Variants in SLC9A6 observed in about 807,000 individuals in gnomAD.
The protein encoded by SLC9A6 is solute carrier family 9 member A6, also known as sodium/hydrogen exchanger 6.
Under a neutral mutation model 45.3 loss-of-function variants are expected in SLC9A6, and 6 were observed. That is an observed-to-expected ratio of 0.13 (90% CI 0.07 to 0.26). The LOEUF (loss-of-function observed/expected upper bound fraction) is 0.26. SLC9A6 is among the 10% of genes least tolerant of loss of function. The probability of loss-of-function intolerance (pLI) is 1.00; values close to 1 mark genes in which losing one functional copy is unlikely to be tolerated. For synonymous variants in SLC9A6, 191 were observed against 187.7 expected, an observed-to-expected ratio of 1.02 and a Z score of -0.14; for missense variants, 278 against 503.7, an observed-to-expected ratio of 0.55 and a Z score of 4.29.
At chrX:135,996,023 C>CTT (rs1167208674) in intron 3 of SLC9A6, among the ~76,000 whole-genome samples, 8 of 55,347 alleles carry the variant, frequency 1.4e-4, no homozygotes, top group East Asian at 6.2e-4. Context: ...CAGGACTTGA[C>CTT]TTTTTTTTTT....
intron 10 of SLC9A6, among the ~76,000 whole-genome samples, chrX:136,014,452 G>A (rs1403851834): frequency 8.9e-6 from 1 of 112,528 alleles, no homozygotes; most frequent in African/African-American, 3.2e-5. Flanking sequence ...CATTTTTCCA[G>A]GTCGTGGGAA....
Position 136,024,493 on chromosome X carries a change from A to G in SLC9A6, c.1460+10A>G, listed in dbSNP as rs185533973. The G allele has an allele frequency of 5.2e-4, 623 of 1,187,672 alleles. 11 individuals carry two copies. The East Asian group carries it at 0.018, about 35-fold the overall frequency. Reference sequence around the variant, plus strand: ...CATGCTTGCATATCAGGTAAGTACTAACTAGAGACCTCATTTTAAGATTAA... The same window carrying G: ...CATGCTTGCATATCAGGTAAGTACTGACTAGAGACCTCATTTTAAGATTAA... On this transcript the variant is annotated intron_variant, in intron 13 of 17. Transcript: ENST00000630721.
intron 2 of SLC9A6, among the ~76,000 whole-genome samples, chrX:135,992,293 C>T (rs1023884478): frequency 4.5e-5 from 5 of 111,596 alleles, no homozygotes; most frequent in Non-Finnish European, 9.4e-5. Flanking sequence ...ATCCTTCTCG[C>T]CTCCTGTCAG....
In SLC9A6 at chrX:135,998,239, T is replaced by G. The variant is rs1189814898; in HGVS notation, c.447+54T>G. On this transcript the variant is annotated intron_variant, in intron 4 of 17. Transcript: ENST00000630721. Reference sequence around the variant, plus strand: ...GAATAATCTTAAACTCAGTGGGCTTTGTAATATTTGACACTTCAGAAATGG... The same window carrying G: ...GAATAATCTTAAACTCAGTGGGCTTGGTAATATTTGACACTTCAGAAATGG... 7.9e-6 allele frequency: 6 copies of G among 761,061 alleles called. No individual in the cohort carries two copies. In the African/African-American group the frequency reaches 1.2e-4, roughly 16 times the overall value. The allele number at this position is 761,061 out of a possible 1,213,427, so 62.7% of individuals were successfully genotyped here.
At chrX:136,013,694 T>C (rs1556618941) in intron 10 of SLC9A6, among the ~76,000 whole-genome samples, 1 of 111,562 alleles carries the variant, frequency 9.0e-6, no homozygotes, top group African/African-American at 3.3e-5. Context: ...TAGCTTCCCT[T>C]TTTCTCAGTG....
upstream of SLC9A6, chrX:135,983,706 T>G (rs1385192328): frequency 2.8e-5 from 3 of 107,036 alleles, no homozygotes; most frequent in African/African-American, 1.0e-4. Context: ...TTCGGGTTTT[T>G]TTTTTTTTTT....
chrX:136,007,549 A>G (rs1172604168), intron 7 of SLC9A6, among the ~76,000 whole-genome samples: 1 of 112,062 alleles, frequency 8.9e-6, no homozygotes, highest in East Asian at 2.8e-4. Context: ...TTTGACTCAA[A>G]AAGTAGAAAA....
intron 7 of SLC9A6, among the ~76,000 whole-genome samples, chrX:136,002,507 G>C (rs957409214): frequency 9.0e-6 from 1 of 110,634 alleles, no homozygotes; most frequent in Admixed American, 9.6e-5. Flanking sequence ...TTTTGTATTC[G>C]GTTTTAACAT....
At chrX:135,988,498 T>TTTTC (rs1351620970) in intron 2 of SLC9A6, among the ~76,000 whole-genome samples, 3 of 105,033 alleles carry the variant, frequency 2.9e-5, no homozygotes, top group African/African-American at 1.1e-4. Context: ...TCTTTCTTTC[T>TTTTC]TTTCTTTCTT....
chrX:135,992,616 A>G (rs1434806334), intron 2 of SLC9A6, among the ~76,000 whole-genome samples: 4 of 112,086 alleles, frequency 3.6e-5, no homozygotes, highest in African/African-American at 9.7e-5. Context: ...ACTGATATGT[A>G]CTACTATTCC....
chrX:136,015,651 A>T (rs1452820965), intron 10 of SLC9A6, among the ~76,000 whole-genome samples: 3 of 112,437 alleles, frequency 2.7e-5, no homozygotes, highest in Non-Finnish European at 3.7e-5. Context: ...TGTTATCATT[A>T]GTATAAATAA....
At chrX:136,018,273 T>G (rs1048852252) in intron 11 of SLC9A6, among the ~76,000 whole-genome samples, 1 of 111,683 alleles carries the variant, frequency 9.0e-6, no homozygotes, top group South Asian at 3.8e-4. Context: ...AGTGGGAGAA[T>G]AAGTTGACCA....
At chrX:136,038,514 C>G (rs2071449687) in intron 16 of SLC9A6, among the ~76,000 whole-genome samples, 1 of 110,818 alleles carries the variant, frequency 9.0e-6, no homozygotes, top group Admixed American at 9.6e-5. Flanking sequence ...CTTATAGTGT[C>G]CTTGTCAGGT....
intron 16 of SLC9A6, among the ~76,000 whole-genome samples, chrX:136,037,735 T>C (rs1556621961): frequency 9.0e-6 from 1 of 111,416 alleles, no homozygotes. Flanking sequence ...CAGGCCCAGC[T>C]AATTTTTTGT....
intron 16 of SLC9A6, among the ~76,000 whole-genome samples, chrX:136,035,919 A>ATT (rs200801813): frequency 3.3e-5 from 3 of 90,857 alleles, no homozygotes; most frequent in African/African-American, 4.1e-5. Flanking sequence ...ACACCCAGCT[A>ATT]TTTTTTTTTT....
At chrX:135,995,091 G>T in intron 3 of SLC9A6, 106 bp downstream of exon 3, 1 of 530,461 alleles carries the variant, frequency 1.9e-6, no homozygotes. Context: ...AAAATAATGA[G>T]TCTTTTTCAA....
At chrX:135,992,426 C>T (rs2148140163) in intron 2 of SLC9A6, among the ~76,000 whole-genome samples, 1 of 112,041 alleles carries the variant, frequency 8.9e-6, no homozygotes, top group South Asian at 3.7e-4. Flanking sequence ...GCTATCAAGC[C>T]TCTGCCTTCT....
rs782517084 is a variant in SLC9A6, at chrX:135,998,712, G to A, written c.525-144G>A. On this transcript the variant is annotated intron_variant, in intron 5 of 17. Coordinates refer to ENST00000630721, the MANE Select transcript of SLC9A6 (RefSeq NM_001379110.1). ...ATAAGTTGTTTGAATTTTCCTTAAG[G>A]CCAAAGTATTACCATATTTCAATGA... The A allele has an allele frequency of 3.9e-5, 25 of 639,568 alleles. No individual in the cohort carries two copies. In the African/African-American group the frequency reaches 5.1e-4, roughly 13 times the overall value. 52.7% of individuals were successfully genotyped at this position (639,568 alleles called of 1,213,427 possible).
chrX:136,037,252 G>GCA (rs781943733), intron 16 of SLC9A6, among the ~76,000 whole-genome samples: 1,196 of 110,848 alleles, frequency 0.011, 12 homozygotes, highest in African/African-American at 0.033. Flanking sequence ...ATGTGCATGT[G>GCA]CACACACACG....
Sources: gnomAD v4.1 joint callset for allele counts (sites outside exome capture counted in the v4.1 genomes callset) on GRCh38, gnomAD v4.1.1 for gene constraint, MANE v1.5 for transcripts, NCBI Gene and HGNC (gene_info 2026-07-23, HGNC 2026-07-21) for gene names.